Variants in APP observed in about 807,000 individuals in gnomAD.
The protein encoded by APP is amyloid beta precursor protein, also known as amyloid-beta precursor protein.
APP carries 31 observed loss-of-function variants against 101.4 expected under a neutral mutation model. That is an observed-to-expected ratio of 0.31 (90% CI 0.23 to 0.41). The LOEUF is 0.41. Ranked by LOEUF, APP falls within the 10% of genes least tolerant of loss-of-function variation. The probability of loss-of-function intolerance (pLI) is 1.00; values close to 1 mark genes in which losing one functional copy is unlikely to be tolerated. For missense variants in APP, 839 were observed against 1,003.7 expected, an observed-to-expected ratio of 0.84 and a Z score of 2.22; for synonymous variants, 366 against 364.4, an observed-to-expected ratio of 1.00 and a Z score of -0.05.
chr21:26,021,046 C>CTTTT (rs144287372), intron 6 of APP, among the ~76,000 whole-genome samples: 8 of 101,726 alleles, frequency 7.9e-5, no homozygotes, highest in South Asian at 3.3e-4. Context: ...CTCACCAAAT[C>CTTTT]TTTTTTTTTT....
chr21:26,075,127 T>C (rs2061478447), intron 3 of APP, among the ~76,000 whole-genome samples: 2 of 152,224 alleles, frequency 1.3e-5, no homozygotes, highest in Admixed American at 6.5e-5. Flanking sequence ...CTATTCTTTC[T>C]TTTCCCTTTC....
rs117548751 is a variant in APP, at chr21:25,936,574, C to T, written c.1687+18016G>A. On this transcript the variant is annotated intron_variant, in intron 13 of 17. Transcript: ENST00000346798. The stretch of plus-strand genomic sequence containing the variant: ...AACAAAAGAAGAAGAGGAAGAGACA[C>T]CTCTCTTTCTCTCTGAGAAAGACCA... 7.6e-3 allele frequency among the ~76,000 whole-genome samples: 1,153 copies of T among 152,256 alleles called. 39 individuals are homozygous for T. The highest frequency in any genetic ancestry group is 0.052 in the Admixed American group (789 of 15,298).
intron 3 of APP, among the ~76,000 whole-genome samples, chr21:26,088,328 G>A (rs2061744471): frequency 6.6e-6 from 1 of 152,224 alleles, no homozygotes; most frequent in Non-Finnish European, 1.5e-5. Context: ...AATAGAATAT[G>A]AAGCAGAAAA....
intron 6 of APP, among the ~76,000 whole-genome samples, chr21:26,011,916 A>C (rs2043822886): frequency 1.3e-5 from 2 of 152,194 alleles, no homozygotes; most frequent in Admixed American, 6.5e-5. Flanking sequence ...AAATTTAAGA[A>C]AGAGGCAACC....
chr21:25,965,022 C>G (rs1159906771), intron 11 of APP, among the ~76,000 whole-genome samples: 1 of 152,190 alleles, frequency 6.6e-6, no homozygotes, highest in Non-Finnish European at 1.5e-5. Context: ...GCATATAGAA[C>G]TGAAATTTAG....
intron 13 of APP, 51 bp downstream of exon 13, chr21:25,954,539 C>A: frequency 6.7e-7 from 1 of 1,499,348 alleles, no homozygotes; most frequent in Non-Finnish European, 9.2e-7. Context: ...CAATTTTCCT[C>A]TGGGGGAAAA....
intron 15 of APP, 23 bp downstream of exon 15, chr21:25,905,001 C>T: frequency 6.2e-7 from 1 of 1,612,068 alleles, no homozygotes; most frequent in Non-Finnish European, 8.5e-7. Flanking sequence ...TGCGGAGAGG[C>T]ACAAGTCAAG....
At chr21:25,999,215 C>T (rs2043174441) in intron 7 of APP, among the ~76,000 whole-genome samples, 1 of 152,020 alleles carries the variant, frequency 6.6e-6, no homozygotes. Flanking sequence ...TCACTTGAAC[C>T]CGGGAGGCGG....
In APP at chr21:25,894,945, G is replaced by A. The variant is rs142111185; in HGVS notation, c.2064+2628C>T. On this transcript the variant is annotated intron_variant, in intron 16 of 17. Transcript: ENST00000346798. Reference sequence around the variant, plus strand: ...TGTCTTATTTTAGGAAATTGCCACAGCCACCACAAACCTCAGCAGCCACCA... The same window carrying A: ...TGTCTTATTTTAGGAAATTGCCACAACCACCACAAACCTCAGCAGCCACCA... Among the ~76,000 whole-genome samples the A allele has an allele frequency of 3.0e-3, 453 of 152,234 alleles. 1 individual carries two copies. Among genetic ancestry groups the A allele is most frequent in the African/African-American group, 0.01 (424 of 41,538 alleles).
At chr21:25,967,473 C>G (rs1226843428) in intron 11 of APP, among the ~76,000 whole-genome samples, 2 of 152,176 alleles carry the variant, frequency 1.3e-5, no homozygotes, top group Non-Finnish European at 2.9e-5. Context: ...CACCAAAAAT[C>G]TCAGAATTAC....
intron 6 of APP, among the ~76,000 whole-genome samples, chr21:26,010,225 AAAAC>A (rs2043732530): frequency 6.6e-6 from 1 of 152,028 alleles, no homozygotes; most frequent in Admixed American, 6.5e-5. Flanking sequence ...AAAAAAAAAA[AAAAC>A]AAAACAAAAC....
chr21:25,958,467 C>T (rs186454536), intron 11 of APP, among the ~76,000 whole-genome samples: 23 of 152,038 alleles, frequency 1.5e-4, no homozygotes, highest in Admixed American at 9.2e-4. Context: ...TTAGTAGAGA[C>T]GGGGTTTCGC....
At position 26,055,481 on chromosome 21, in the gene APP, T is replaced by A. The variant is rs148848513; in HGVS notation, c.356-2133A>T. On this transcript the variant is annotated intron_variant, in intron 3 of 17. Coordinates refer to ENST00000346798, the MANE Select transcript of APP (RefSeq NM_000484.4). Reference sequence around the variant, plus strand: ...CCTGGAGAATGGAAAGTAAAGGTAATCTCATCCAAAACAAATACACCATTC... The same window carrying A: ...CCTGGAGAATGGAAAGTAAAGGTAAACTCATCCAAAACAAATACACCATTC... Among the ~76,000 whole-genome samples the A allele has an allele frequency of 6.1e-3, 929 of 152,166 alleles. 2 individuals are homozygous for A. Among genetic ancestry groups the A allele is most frequent in the Middle Eastern group, 0.02 (6 of 294 alleles).
chr21:25,971,554 G>A (rs940026774), intron 11 of APP, among the ~76,000 whole-genome samples: 1 of 152,216 alleles, frequency 6.6e-6, no homozygotes, highest in Non-Finnish European at 1.5e-5. Context: ...GTAATTCACA[G>A]GACAGGGTAT....
intron 3 of APP, among the ~76,000 whole-genome samples, chr21:26,072,727 T>A (rs895455846): frequency 1.3e-5 from 2 of 152,144 alleles, no homozygotes; most frequent in Non-Finnish European, 2.9e-5. Flanking sequence ...TCTGCATCAA[T>A]AGCAGGGTTT....
chr21:26,098,563 C>T (rs1366138612), intron 2 of APP, among the ~76,000 whole-genome samples: 1 of 152,106 alleles, frequency 6.6e-6, no homozygotes, highest in Non-Finnish European at 1.5e-5. Flanking sequence ...AAACAGGCCA[C>T]CTAAGACAGG....
chr21:26,138,297 T>C (rs1317975140), intron 1 of APP, among the ~76,000 whole-genome samples: 1 of 152,096 alleles, frequency 6.6e-6, no homozygotes, highest in East Asian at 1.9e-4. Flanking sequence ...TTTAACATAA[T>C]AAGTTTTAAA....
At chr21:25,974,925 T>C in intron 11 of APP, 145 bp downstream of exon 11, 5 of 1,251,870 alleles carry the variant, frequency 4.0e-6, no homozygotes, top group South Asian at 1.3e-5. Flanking sequence ...ACCTTCAAGA[T>C]GGAATGGACA....
intron 2 of APP, among the ~76,000 whole-genome samples, chr21:26,102,081 G>GTTTTTTTT (rs1568976274): frequency 7.5e-6 from 1 of 133,622 alleles, no homozygotes; most frequent in African/African-American, 3.1e-5. Context: ...AAAACTATGT[G>GTTTTTTTT]GTTTTTTTTT....
Sources: allele counts gnomAD v4.1 joint callset (sites outside exome capture counted in the v4.1 genomes callset), GRCh38; gene constraint gnomAD v4.1.1; transcripts MANE v1.5; gene names NCBI Gene and HGNC (gene_info 2026-07-23, HGNC 2026-07-21).